Variants in MUC4 observed in about 807,000 individuals in gnomAD.
MUC4 encodes the protein mucin-4.
In MUC4, 202 loss-of-function variants were observed where a neutral mutation model predicts 257.9. The ratio of observed to expected loss-of-function variants is 0.78; its 90% confidence interval spans 0.70 to 0.88. MUC4 has a LOEUF of 0.88. Among genes scored for constraint, MUC4 ranks in the 40% least tolerant of loss-of-function variants. The probability of loss-of-function intolerance (pLI) is 0.00; values close to 1 mark genes in which losing one functional copy is unlikely to be tolerated. For missense variants in MUC4, 5,976 were observed against 6,513.7 expected, an observed-to-expected ratio of 0.92 and a Z score of 2.84; for synonymous variants, 2,351 against 2,757.1, an observed-to-expected ratio of 0.85 and a Z score of 4.62.
chr3:195,801,239 T>C (rs1162736633), intron 1 of MUC4, among the ~76,000 whole-genome samples: 2 of 152,170 alleles, frequency 1.3e-5, no homozygotes, highest in Non-Finnish European at 2.9e-5. Flanking sequence ...CAACTGAAAC[T>C]TGTTCTCACT....
At chr3:195,767,551 ACCATTACCATTG>A (rs1240337454) in intron 7 of MUC4, among the ~76,000 whole-genome samples, 9 of 118,116 alleles carry the variant, frequency 7.6e-5, no homozygotes, top group South Asian at 5.1e-4. Flanking sequence ...CATCACCATC[ACCATTACCATTG>A]CCACCACCAT....
rs199497021 is a variant in MUC4 at position 195,778,291 on chromosome 3, G to C, written c.12943+12C>G. On this transcript the variant is annotated intron_variant, in intron 3 of 24. Transcript: ENST00000463781. ...CCCTCAAAAGGCACAGGCCTCACCT[G>C]TATGGCCTCACCTCTCTCAGGCAGG... 1 of 1,605,006 alleles carries C rather than the reference G, an allele frequency of 6.2e-7. No homozygotes were observed. Among genetic ancestry groups the C allele is most frequent in the Non-Finnish European group, 8.5e-7 (1 of 1,176,570 alleles).
At chr3:195,752,205 T>C in intron 21 of MUC4, 168 bp downstream of exon 21, 1 of 648,682 alleles carries the variant, frequency 1.5e-6, no homozygotes. Context: ...TCTTGGGCCT[T>C]CCTCACTTCC....
chr3:195,761,315 TAG>T (rs1457736990), intron 15 of MUC4, among the ~76,000 whole-genome samples, 167 bp downstream of exon 15: 3 of 152,006 alleles, frequency 2.0e-5, no homozygotes, highest in Admixed American at 2.0e-4. Flanking sequence ...CTCCTCCAGG[TAG>T]AGAGAGGCAG....
At position 195,811,894 on chromosome 3, in the gene MUC4, G is replaced by T; in HGVS notation, c.-77C>A. On this transcript the variant is annotated 5_prime_UTR_variant, in exon 1 of 25. Transcript: ENST00000463781. ...GCTGCAGTGTGAGGAGCAGACGTGA[G>T]CCCGTCCCCTCAGGCGGCTGGCCCG... 1 of 1,432,284 alleles carries T rather than the reference G, an allele frequency of 7.0e-7. No homozygotes were observed. Among genetic ancestry groups the T allele is most frequent in the Non-Finnish European group, 9.7e-7 (1 of 1,029,600 alleles). The allele number at this position is 1,432,284 out of a possible 1,614,324, so 88.7% of individuals were successfully genotyped here.
chr3:195,760,601 AG>A lies in MUC4; in HGVS notation c.14848+282del, dbSNP rs767625944. On this transcript the variant is annotated intron_variant, in intron 16 of 24. Coordinates refer to ENST00000463781, the MANE Select transcript of MUC4 (RefSeq NM_018406.7). Reference sequence around the variant, plus strand: ...GGGAAGGCGTCCAGCGCTAGTATGGAGTGAAGGGGGCTGGGAAGGCATCCAG... The same window carrying A: ...GGGAAGGCGTCCAGCGCTAGTATGGATGAAGGGGGCTGGGAAGGCATCCAG... Among the ~76,000 whole-genome samples the A allele has an allele frequency of 7.6e-3, 589 of 77,072 alleles. 9 individuals are homozygous for A. Among genetic ancestry groups the A allele is most frequent in the Non-Finnish European group, 0.014 (462 of 33,268 alleles). 50.6% of individuals were successfully genotyped at this position (77,072 alleles called of 152,430 possible). A position where few individuals can be genotyped will look rare whatever the true frequency, so the allele number is the denominator to read the frequency against.
chr3:195,782,614 T>C lies in MUC4; in HGVS notation c.8966A>G (p.His2989Arg). 1 of 908,032 alleles carries C rather than the reference T, an allele frequency of 1.1e-6. No individual in the cohort carries two copies. Among genetic ancestry groups the C allele is most frequent in the Non-Finnish European group, 1.6e-6 (1 of 636,422 alleles). 56.2% of individuals were successfully genotyped at this position (908,032 alleles called of 1,614,324 possible). A position where few individuals can be genotyped will look rare whatever the true frequency, so the allele number is the denominator to read the frequency against. The change falls in exon 2 of 25, where the codon CAC becomes CGC. Residue 2989 changes from histidine (H) to arginine (R), a missense_variant. By Grantham distance (29) the His-to-Arg change is conservative. Around this residue, in one of 44 missense-constraint regions of MUC4, gnomAD observed 68 missense variants for 50.2 expected, o/e 1.35. Coordinates refer to ENST00000463781, the MANE Select transcript of MUC4 (RefSeq NM_018406.7). ...GTCGGTGACAGGAAGAAGGGTGGCG[T>C]GACCTGTGGATGCTGAGGAAGTGTC... ...DTDTSSASTG[H>R]ATLLPVTDTS...
rs992822040 is a variant in MUC4, at chr3:195,757,953, G to GA, written c.14987-626dup. ...CTTCAGGGGTGGGGCCCGTGGAGAA[G>GA]AAAACCTCTCAGTGCCATTGTCTCG... On this transcript the variant is annotated intron_variant, in intron 17 of 24. Coordinates refer to ENST00000463781, the MANE Select transcript of MUC4 (RefSeq NM_018406.7). The surrounding 1 kb of genome is among the most constrained non-coding windows in gnomAD (Gnocchi z 4.8). Among the ~76,000 whole-genome samples the GA allele has an allele frequency of 1.3e-5, 2 of 152,224 alleles. No individual in the cohort carries two copies. The highest frequency in any genetic ancestry group is 4.8e-5 in the African/African-American group (2 of 41,458).
chr3:195,790,040 T>C lies in MUC4; in HGVS notation c.1540A>G (p.Thr514Ala). Reference protein sequence around the residue: ...ELPSTSTGAATRLVTGNPSTG... With the variant: ...ELPSTSTGAAARLVTGNPSTG... ...GATGGATTTCCTGTGACAAGCCTAG[T>C]GGCAGCACCTGTTGATGTTGAGGGC... is the stretch of plus-strand genomic sequence containing the variant. Residue 514 changes from threonine to alanine, a missense_variant, in exon 2 of 25, where the codon ACT becomes GCT. Physicochemically the swap from Thr to Ala is moderately conservative, Grantham distance 58. This residue lies in a region of MUC4 where 1,583 missense variants were observed against 1,257.4 expected (regional missense o/e 1.26). Coordinates refer to ENST00000463781, the MANE Select transcript of MUC4 (RefSeq NM_018406.7). 1.2e-6 allele frequency: 2 copies of C among 1,614,054 alleles called. No homozygotes were observed. Among genetic ancestry groups the C allele is most frequent in the South Asian group, 1.1e-5 (1 of 91,086 alleles).
chr3:195,800,182 G>A (rs1261368432), intron 1 of MUC4, among the ~76,000 whole-genome samples: 1 of 152,100 alleles, frequency 6.6e-6, no homozygotes, highest in Non-Finnish European at 1.5e-5. Context: ...GGAGGCTGAG[G>A]CAGGAGAATC....
chr3:195,762,304 C>G, intron 13 of MUC4, 50 bp from the exon 14 acceptor site: 2 of 1,513,568 alleles, frequency 1.3e-6, no homozygotes, highest in East Asian at 2.5e-5. Context: ...CACCACGGCC[C>G]GCACCAAACC....
intron 1 of MUC4, among the ~76,000 whole-genome samples, chr3:195,809,482 G>A (rs190931299): frequency 1.6e-3 from 244 of 152,202 alleles, no homozygotes; most frequent in Non-Finnish European, 1.9e-3. Context: ...GGTCATGCCC[G>A]GTCAGATGTG....
chr3:195,767,914 CGCCACTG>C, intron 7 of MUC4, among the ~76,000 whole-genome samples: 2 of 114,248 alleles, frequency 1.8e-5, no homozygotes, highest in African/African-American at 1.1e-4. Context: ...CCATCACCAT[CGCCACTG>C]CCACCTCCAC....
intron 20 of MUC4, 125 bp from the exon 21 acceptor site, chr3:195,752,571 G>A (rs1007107490): frequency 5.5e-5 from 43 of 777,058 alleles, no homozygotes; most frequent in Non-Finnish European, 8.9e-5. Flanking sequence ...AAGAAACCGG[G>A]AGAAGTGGCC....
At position 195,784,673 on chromosome 3, in the gene MUC4, T is replaced by A. The variant is rs1376884562; in HGVS notation, c.6907A>T (p.Thr2303Ser). The change falls in exon 2 of 25, where the codon ACC (threonine) becomes TCC (serine). Residue 2303 changes from threonine to serine, a missense_variant. This residue lies in a region of MUC4 where 62 missense variants were observed against 74.0 expected (regional missense o/e 0.84). Transcript: ENST00000463781. ...SPSSASTGHATPLHVTDASSA... is the reference protein window; with the variant it reads ...SPSSASTGHASPLHVTDASSA... Reference sequence around the variant, plus strand: ...GAAGCGTCGGTGACATGAAGAGGGGTGGCGTGACCTGTGGATGCTGAGGAA... The same window carrying A: ...GAAGCGTCGGTGACATGAAGAGGGGAGGCGTGACCTGTGGATGCTGAGGAA... 1.4e-6 allele frequency: 2 copies of A among 1,420,454 alleles called. No homozygotes were observed. Among genetic ancestry groups the A allele is most frequent in the East Asian group, 5.5e-5 (2 of 36,418 alleles). 88.0% of individuals were successfully genotyped at this position (1,420,454 alleles called of 1,614,324 possible).
At chr3:195,802,938 G>T (rs1207727254) in intron 1 of MUC4, among the ~76,000 whole-genome samples, 1 of 151,820 alleles carries the variant, frequency 6.6e-6, no homozygotes, top group Non-Finnish European at 1.5e-5. Flanking sequence ...TAGACTTCAC[G>T]CCCCTCCCTT....
chr3:195,783,089 T>C lies in MUC4; in HGVS notation c.8491A>G (p.Thr2831Ala). The C allele has an allele frequency of 1.4e-6, 1 of 729,456 alleles. No homozygotes were observed. The highest frequency in any genetic ancestry group is 1.9e-6 in the Non-Finnish European group (1 of 514,524). The allele number at this position is 729,456 out of a possible 1,614,324, so 45.2% of individuals were successfully genotyped here. ...GAAGGGATGGTGACAGGAAGAGAGG[T>C]GGCATGACCTGTGAACACTGAGGAA... ...DASSVFTGHA[T>A]SLPVTIPSSA... is the part of the protein sequence containing the mutation. Residue 2831 changes from threonine to alanine, a missense_variant, in exon 2 of 25, where the codon ACC (threonine) becomes GCC (alanine). By Grantham distance (58) the Thr-to-Ala change is moderately conservative (BLOSUM62 0). Coordinates refer to ENST00000463781, the MANE Select transcript of MUC4 (RefSeq NM_018406.7).
chr3:195,779,997 G>C lies in MUC4; in HGVS notation c.11583C>G (p.Ser3861Arg), dbSNP rs763471069. The change falls in exon 2 of 25, where the codon AGC becomes AGG. Residue 3861 changes from serine to arginine, a missense_variant. Physicochemically the swap from Ser to Arg is moderately radical, Grantham distance 110 (BLOSUM62 -1). Around this residue, in one of 44 missense-constraint regions of MUC4, gnomAD observed 330 missense variants for 262.0 expected, o/e 1.26. Transcript: ENST00000463781. ...CGTGACCTGTGGATGCTGAGGAAGGGCTAGTGACAGGAAGAGGCATGGTGT... is the reference window on the plus strand; with the variant it reads ...CGTGACCTGTGGATGCTGAGGAAGGCCTAGTGACAGGAAGAGGCATGGTGT... Reference protein sequence around the residue: ...TGDTMPLPVTSPSSASTGHAT... With the variant: ...TGDTMPLPVTRPSSASTGHAT... 1.4e-5 allele frequency: 20 copies of C among 1,406,346 alleles called. 2 individuals are homozygous for C. The Admixed American group carries it at 4.0e-4, about 28-fold the overall frequency. 87.1% of individuals were successfully genotyped at this position (1,406,346 alleles called of 1,614,324 possible).
rs767338925 is a variant in MUC4, at chr3:195,766,740, T to C, written c.13541A>G (p.Tyr4514Cys). ...VLMGFSSGDGYFENSPLMSQP... is the reference protein window; with the variant it reads ...VLMGFSSGDGCFENSPLMSQP... ...GGACATCAGTGGGCTGTTTTCGAAATAGCCATCTCCACTGCAGGAAAGGAG... is the reference window on the plus strand; with the variant it reads ...GGACATCAGTGGGCTGTTTTCGAAACAGCCATCTCCACTGCAGGAAAGGAG... The change falls in exon 8 of 25, where the codon TAT becomes TGT. Residue 4514 changes from tyrosine to cysteine, a missense_variant. By Grantham distance (194) the Tyr-to-Cys change is radical. Coordinates refer to ENST00000463781, the MANE Select transcript of MUC4 (RefSeq NM_018406.7). The C allele has an allele frequency of 1.2e-6, 2 of 1,614,014 alleles. No individual in the cohort carries two copies. Among genetic ancestry groups the C allele is most frequent in the East Asian group, 4.5e-5 (2 of 44,882 alleles).
Sources: gnomAD v4.1 joint callset for allele counts (sites outside exome capture counted in the v4.1 genomes callset) on GRCh38, gnomAD v4.1.1 for gene constraint, gnomAD v4.1.1 regional missense constraint, Gnocchi (gnomAD v3.1) non-coding constraint, MANE v1.5 for transcripts, NCBI Gene and HGNC (gene_info 2026-07-23, HGNC 2026-07-21) for gene names.